MCF2L: variants seen among roughly 807,000 people sequenced by gnomAD.
The protein encoded by MCF2L is guanine nucleotide exchange factor DBS.
Under a neutral mutation model 153.4 loss-of-function variants are expected in MCF2L, and 97 were observed. The ratio of observed to expected loss-of-function variants is 0.63; its 90% CI spans 0.54 to 0.75. The LOEUF (loss-of-function observed/expected upper bound fraction) is 0.75, where lower values mean the gene tolerates loss of function less well. Ranked by LOEUF, MCF2L falls within the 30% of genes least tolerant of loss-of-function variation. The pLI is 0.00. For missense variants in MCF2L, 1,347 were observed against 1,495.2 expected, an observed-to-expected ratio of 0.90 and a Z score of 1.64; for synonymous variants, 659 against 632.2, an observed-to-expected ratio of 1.04 and a Z score of -0.64.
intron 2 of MCF2L, among the ~76,000 whole-genome samples, chr13:112,963,521 G>T (rs2081857912): frequency 6.6e-6 from 1 of 152,180 alleles, no homozygotes; most frequent in Non-Finnish European, 1.5e-5. Flanking sequence ...GCCCTCAGGG[G>T]GTCCCCAGGG....
chr13:113,060,895 C>T (rs2031281631), intron 5 of MCF2L, among the ~76,000 whole-genome samples, 183 bp downstream of exon 5: 2 of 151,298 alleles, frequency 1.3e-5, no homozygotes, highest in South Asian at 4.2e-4. Context: ...ATCCTTTCTT[C>T]CCCCACCCCC....
rs751090894 is a variant in MCF2L, at chr13:113,088,576, C to G, written c.2782C>G (p.Arg928Gly). ...CCTCCTCGCAGAAGCCAGCCAGCAC[C>G]GGGCGCTGGAGCAGTCACAGAGCCT... ...LQACREASQH[R>G]ALEQSQSLPL... Residue 928 changes from arginine (R) to glycine (G), a missense_variant, in exon 25 of 30, where the codon CGG becomes GGG. Arg to Gly is a moderately radical substitution (Grantham distance 125). This residue lies in a region of MCF2L where 383 missense variants were observed against 335.4 expected (regional missense o/e 1.14). Transcript: ENST00000535094. 3.1e-6 allele frequency: 5 copies of G among 1,610,660 alleles called. No individual in the cohort carries two copies. Among genetic ancestry groups the G allele is most frequent in the African/African-American group, 1.3e-5 (1 of 75,070 alleles).
intron 9 of MCF2L, among the ~76,000 whole-genome samples, chr13:113,071,734 T>C (rs1367794375): frequency 6.6e-6 from 1 of 152,258 alleles, no homozygotes; most frequent in Non-Finnish European, 1.5e-5. Context: ...TACATACCTC[T>C]TCCTCTGTCT....
intron 15 of MCF2L, among the ~76,000 whole-genome samples, chr13:113,080,300 G>A (rs2033997465): frequency 6.6e-6 from 1 of 152,160 alleles, no homozygotes; most frequent in African/African-American, 2.4e-5. Context: ...TGTCCATACG[G>A]AGGAGGGTCT....
chr13:112,963,219 C>T (rs4907567), intron 2 of MCF2L, among the ~76,000 whole-genome samples: 99,318 of 152,088 alleles, frequency 0.65, 32,735 homozygotes, highest in Non-Finnish European at 0.71. Flanking sequence ...CTCTTCACGT[C>T]CTCCTCCCAA....
intron 1 of MCF2L, among the ~76,000 whole-genome samples, chr13:112,999,068 T>C (rs1414697125): frequency 6.6e-6 from 1 of 152,216 alleles, no homozygotes; most frequent in Non-Finnish European, 1.5e-5. Flanking sequence ...TGGGCATTAC[T>C]GTGGCCCCCC....
chr13:112,907,774 G>C lies in MCF2L; in HGVS notation c.169+5403G>C, dbSNP rs75462874. On this transcript the variant is annotated intron_variant, in intron 2 of 29. Transcript: ENST00000375608. This position sits in a 1 kb window ranked among gnomAD's most constrained non-coding sequence, Gnocchi z 5.1. Reference sequence around the variant, plus strand: ...TTGCTTTCTCCTTGCATGCCATTTAGTGTTGCAGAAAACAGCTCTGAGAAA... The same window carrying C: ...TTGCTTTCTCCTTGCATGCCATTTACTGTTGCAGAAAACAGCTCTGAGAAA... Among the ~76,000 whole-genome samples, 2,940 of 152,212 alleles carry C rather than the reference G, an allele frequency of 0.019. 50 individuals carry two copies. Among genetic ancestry groups the C allele is most frequent in the African/African-American group, 0.044 (1,846 of 41,516 alleles).
In MCF2L at chr13:113,031,366, A is replaced by G. The variant is rs2085709745; in HGVS notation, c.278+6608A>G. 6.6e-6 allele frequency among the ~76,000 whole-genome samples: 1 copy of G among 152,184 alleles called. No individual in the cohort carries two copies. Among genetic ancestry groups the G allele is most frequent in the African/African-American group, 2.4e-5 (1 of 41,436 alleles). On this transcript the variant is annotated intron_variant, in intron 3 of 29. Coordinates refer to ENST00000535094, the MANE Select transcript of MCF2L (RefSeq NM_001112732.3). The surrounding 1 kb of genome is among the most constrained non-coding windows in gnomAD (Gnocchi z 5.5). Reference sequence around the variant, plus strand: ...GACAAGGAACTTAATGTAAACTGGGAAGCATTCGTCACAGAGATCCCAGGA... The same window carrying G: ...GACAAGGAACTTAATGTAAACTGGGGAGCATTCGTCACAGAGATCCCAGGA...
chr13:112,958,227 C>T (rs1052689046), intron 2 of MCF2L: 3 of 152,246 alleles, frequency 2.0e-5, no homozygotes, highest in Non-Finnish European at 2.9e-5. Flanking sequence ...GTGCGTGGTT[C>T]GTCTGTGCCC....
chr13:113,023,238 GAT>G (rs1465135173), intron 2 of MCF2L, among the ~76,000 whole-genome samples: 2 of 152,242 alleles, frequency 1.3e-5, no homozygotes, highest in Middle Eastern at 6.3e-3. Context: ...AGGGAGAAAA[GAT>G]ATGCTTGTGT....
intron 17 of MCF2L, 82 bp downstream of exon 17, chr13:113,082,624 G>C (rs2034257018): frequency 9.4e-7 from 1 of 1,063,322 alleles, no homozygotes; most frequent in Non-Finnish European, 1.4e-6. Flanking sequence ...TGGAATGGGG[G>C]TGGAGGCCAG....
At chr13:112,968,652 G>A (rs138822532), upstream of MCF2L, 5 of 1,521,070 alleles carry the variant, frequency 3.3e-6, no homozygotes, top group South Asian at 4.9e-5. Context: ...CGGCCACACG[G>A]AAGGGGCGCG....
chr13:112,927,220 GC>G (rs2081417088), intron 2 of MCF2L, among the ~76,000 whole-genome samples: 1 of 152,206 alleles, frequency 6.6e-6, no homozygotes, highest in South Asian at 2.1e-4. Context: ...AGACACGTTT[GC>G]CCTTTGACCA....
chr13:112,950,381 G>C (rs2081680240), intron 2 of MCF2L, among the ~76,000 whole-genome samples: 1 of 152,160 alleles, frequency 6.6e-6, no homozygotes. Flanking sequence ...GTATAGTCAA[G>C]ATTATCCTAA....
At chr13:112,942,815 T>A (rs1326944330) in intron 2 of MCF2L, among the ~76,000 whole-genome samples, 1 of 151,800 alleles carries the variant, frequency 6.6e-6, no homozygotes. Context: ...GTGGGTGACT[T>A]AACATTCTCT....
intron 26 of MCF2L, chr13:113,089,970 C>T: frequency 1.3e-6 from 2 of 1,597,434 alleles, no homozygotes; most frequent in Non-Finnish European, 1.7e-6. Context: ...GCCGAGCGTG[C>T]AACCCGGAGC....
At chr13:112,995,170 G>A (rs372369500) in intron 1 of MCF2L, among the ~76,000 whole-genome samples, 94 of 152,320 alleles carry the variant, frequency 6.2e-4, no homozygotes, top group African/African-American at 2.0e-3. Context: ...CCCGTGCCCC[G>A]GGCTCCCCTC....
rs11620061 is a variant in MCF2L, at chr13:112,960,299, C to G, written c.170-54464C>G. 5.0e-3 allele frequency among the ~76,000 whole-genome samples: 765 copies of G among 152,116 alleles called. 11 individuals are homozygous for G. Among genetic ancestry groups the G allele is most frequent in the African/African-American group, 0.018 (733 of 41,500 alleles). On this transcript the variant is annotated intron_variant, in intron 2 of 29. Coordinates refer to the MCF2L transcript ENST00000375608. The surrounding 1 kb of genome is among the most constrained non-coding windows in gnomAD (Gnocchi z 4.2). ...GGAGAGACCGAGAGGGGGCCAAGCGCGCTCTCACAACTGAAACAGCGCTCG... is the reference window on the plus strand; with the variant it reads ...GGAGAGACCGAGAGGGGGCCAAGCGGGCTCTCACAACTGAAACAGCGCTCG...
intron 27 of MCF2L, chr13:113,095,336 G>A (rs969294829): frequency 5.1e-6 from 6 of 1,165,200 alleles, no homozygotes; most frequent in Non-Finnish European, 6.4e-6. Flanking sequence ...AGGGTAGGGA[G>A]AGCCCTCGGG....
Sources: allele counts gnomAD v4.1 joint callset (sites outside exome capture counted in the v4.1 genomes callset), GRCh38; gene constraint gnomAD v4.1.1; regional missense constraint gnomAD v4.1.1; non-coding constraint Gnocchi (gnomAD v3.1); transcripts MANE v1.5; gene names NCBI Gene and HGNC (gene_info 2026-07-23, HGNC 2026-07-21).